ZZEF1: variants seen among roughly 807,000 people sequenced by gnomAD.
The protein encoded by ZZEF1 is zinc finger ZZ-type and EF-hand domain containing 1.
Under a neutral mutation model 342.8 loss-of-function variants are expected in ZZEF1, and 157 were observed. The observed-to-expected ratio is 0.46, with a 90% CI of 0.40 to 0.52. The LOEUF is 0.52. Ranked by LOEUF, ZZEF1 falls within the 20% of genes least tolerant of loss-of-function variation. The pLI is 0.00. For synonymous variants in ZZEF1, 1,505 were observed against 1,429.1 expected, an observed-to-expected ratio of 1.05 and a Z score of -1.20; for missense variants, 3,480 against 3,725.6, an observed-to-expected ratio of 0.93 and a Z score of 1.72.
At chr17:4,007,173 A>T (rs146251834) in intron 54 of ZZEF1, among the ~76,000 whole-genome samples, 101 of 152,338 alleles carry the variant, frequency 6.6e-4, no homozygotes, top group Non-Finnish European at 1.2e-3. Flanking sequence ...GTAGGTAGGA[A>T]TCATCACTGC....
In ZZEF1 at chr17:4,014,275, A is replaced by G; in HGVS notation, c.8314+72T>C. The G allele has an allele frequency of 6.2e-7, 1 of 1,610,286 alleles. No individual in the cohort carries two copies. Among genetic ancestry groups the G allele is most frequent in the African/African-American group, 1.3e-5 (1 of 74,942 alleles). ...TGTTGGGTTTCAACATTCTCCAGTA[A>G]GTTCCCTTCTCAATATTAAGTTTAA... On this transcript the variant is annotated intron_variant, in intron 50 of 54. Coordinates refer to ENST00000381638, the MANE Select transcript of ZZEF1 (RefSeq NM_015113.4). This position sits in a 1 kb window ranked among gnomAD's most constrained non-coding sequence, Gnocchi z 4.4.
rs1438329677 is a variant in ZZEF1 at position 4,009,631 on chromosome 17, G to A, written c.8706C>T (p.Leu2902=). The stretch of plus-strand genomic sequence containing the variant: ...GGGCACGGTTCTCGGTGACGAAGAA[G>A]AGCTCAGTGAGGGCACGATGCAGGG... ...LLPLHRALTE[L]FFVTENRAQE... Residue 2902 remains leucine, a synonymous_variant, in exon 53 of 55, where the codon CTC becomes CTT. Transcript: ENST00000381638. 1 of 1,613,856 alleles carries A rather than the reference G, an allele frequency of 6.2e-7. No homozygotes were observed. Among genetic ancestry groups the A allele is most frequent in the Non-Finnish European group, 8.5e-7 (1 of 1,180,006 alleles).
Position 4,014,971 on chromosome 17 carries a change from C to A in ZZEF1, c.8146-456G>T, listed in dbSNP as rs748540979. 2.6e-5 allele frequency among the ~76,000 whole-genome samples: 4 copies of A among 152,174 alleles called. No individual in the cohort carries two copies. Among genetic ancestry groups the A allele is most frequent in the Non-Finnish European group, 5.9e-5 (4 of 68,034 alleles). On this transcript the variant is annotated intron_variant, in intron 49 of 54. Transcript: ENST00000381638. The surrounding 1 kb of genome is among the most constrained non-coding windows in gnomAD (Gnocchi z 4.4). ...AAGCAGGAACAGGGACAAGACCTGA[C>A]TCCAGAGAGACTGGCAGGGGCAGAC...
intron 39 of ZZEF1, among the ~76,000 whole-genome samples, chr17:4,037,811 G>T (rs775029388): frequency 6.6e-5 from 10 of 152,090 alleles, no homozygotes; most frequent in Non-Finnish European, 2.9e-5. Context: ...TCGAACTCCT[G>T]GGTTCAAGCA....
Position 4,071,845 on chromosome 17 carries a change from A to G in ZZEF1, c.3834+763T>C, listed in dbSNP as rs189565057. On this transcript the variant is annotated intron_variant, in intron 25 of 54. Coordinates refer to ENST00000381638, the MANE Select transcript of ZZEF1 (RefSeq NM_015113.4). ...GAGAAAACCAGACCTGGAGACTGAT[A>G]TTAGGAATTAGGGCCACAATGTTTG... is the stretch of plus-strand genomic sequence containing the variant. Among the ~76,000 whole-genome samples the G allele has an allele frequency of 2.0e-5, 3 of 152,246 alleles. No individual in the cohort carries two copies. The East Asian group carries it at 5.8e-4, about 29-fold the overall frequency.
At chr17:4,080,370 T>C (rs1281217892) in intron 18 of ZZEF1, among the ~76,000 whole-genome samples, 1 of 152,052 alleles carries the variant, frequency 6.6e-6, no homozygotes, top group Non-Finnish European at 1.5e-5. Context: ...AGACAGAGTT[T>C]CGCTCGTTGC....
At chr17:4,049,045 T>C (rs529584653) in intron 37 of ZZEF1, among the ~76,000 whole-genome samples, 4 of 152,212 alleles carry the variant, frequency 2.6e-5, no homozygotes, top group Non-Finnish European at 5.9e-5. Flanking sequence ...TCTTGTTTAA[T>C]TCTTATAAAA....
Position 4,013,977 on chromosome 17 carries a change from G to A in ZZEF1, c.8413+113C>T. 2.9e-6 allele frequency: 3 copies of A among 1,018,972 alleles called. No homozygotes were observed. The South Asian group carries it at 4.5e-5, about 15-fold the overall frequency. 63.1% of individuals were successfully genotyped at this position (1,018,972 alleles called of 1,614,324 possible). ...CTTGTGAGACAAATTTGGAAAGTGT[G>A]AGAGACAAGTACCTGCTTTGATTTT... On this transcript the variant is annotated intron_variant, in intron 51 of 54. Transcript: ENST00000381638.
At chr17:4,080,034 T>C (rs2057692669) in intron 18 of ZZEF1, among the ~76,000 whole-genome samples, 1 of 152,186 alleles carries the variant, frequency 6.6e-6, no homozygotes, top group East Asian at 1.9e-4. Context: ...CTTGGTTTCC[T>C]AGTACAGGGG....
rs3892926 is a variant in ZZEF1, at chr17:4,023,913, C to T, written c.7092+1006G>A. On this transcript the variant is annotated intron_variant, in intron 43 of 54. Coordinates refer to ENST00000381638, the MANE Select transcript of ZZEF1 (RefSeq NM_015113.4). ...CAGCAGATGAATGGTCTCAATTCTA[C>T]AACTACAAACTCCCAGGGCTGGATC... is the stretch of plus-strand genomic sequence containing the variant. Among the ~76,000 whole-genome samples, 347 of 152,258 alleles carry T rather than the reference C, an allele frequency of 2.3e-3. 2 individuals carry two copies. Among genetic ancestry groups the T allele is most frequent in the African/African-American group, 7.9e-3 (329 of 41,548 alleles).
intron 9 of ZZEF1, among the ~76,000 whole-genome samples, chr17:4,097,476 GGAAAAAAA>G (rs1235295625): frequency 1.1e-4 from 13 of 113,962 alleles, no homozygotes; most frequent in Non-Finnish European, 2.1e-4. Flanking sequence ...CTTTGAAATG[GGAAAAAAA>G]AAAAAAAAAA....
intron 11 of ZZEF1, among the ~76,000 whole-genome samples, chr17:4,093,401 T>C (rs963291190): frequency 2.6e-5 from 4 of 152,230 alleles, no homozygotes; most frequent in African/African-American, 9.7e-5. Flanking sequence ...GGATTTCAAC[T>C]GAACAAATTC....
intron 1 of ZZEF1, among the ~76,000 whole-genome samples, chr17:4,133,216 CGTT>C (rs2058697626): frequency 6.6e-6 from 1 of 152,162 alleles, no homozygotes; most frequent in Admixed American, 6.5e-5. Flanking sequence ...TTTGGGCACT[CGTT>C]AAATGCCAGG....
chr17:4,093,132 A>T (rs1373063711), intron 11 of ZZEF1, among the ~76,000 whole-genome samples: 1 of 142,818 alleles, frequency 7.0e-6, no homozygotes, highest in Non-Finnish European at 1.5e-5. Flanking sequence ...TATTTAGGTT[A>T]AAAAAAAATC....
chr17:4,009,780 GGTCA>G (rs950846975), intron 52 of ZZEF1, 23 bp from the exon 53 acceptor site: 6 of 1,610,614 alleles, frequency 3.7e-6, no homozygotes, highest in Non-Finnish European at 5.1e-6. Context: ...CCCCGGAGGT[GGTCA>G]GTTTACTGAG....
chr17:4,006,773 G>T lies in ZZEF1; in HGVS notation c.*117C>A. 9.3e-7 allele frequency: 1 copy of T among 1,073,004 alleles called. No homozygotes were observed. The highest frequency in any genetic ancestry group is 1.3e-5 in the South Asian group (1 of 74,126). The allele number at this position is 1,073,004 out of a possible 1,614,324, so 66.5% of individuals were successfully genotyped here. A position where few individuals can be genotyped will look rare whatever the true frequency, so the allele number is the denominator to read the frequency against. On this transcript the variant is annotated 3_prime_UTR_variant, in exon 55 of 55. Coordinates refer to ENST00000381638, the MANE Select transcript of ZZEF1 (RefSeq NM_015113.4). ...GGCTGCTTGGCATCCTAACTGGAGT[G>T]GTCAGCTCAAGGAGAGCTGGGCACT... is the stretch of plus-strand genomic sequence containing the variant.
chr17:4,041,658 C>T (rs2056806389), intron 39 of ZZEF1, among the ~76,000 whole-genome samples: 1 of 152,090 alleles, frequency 6.6e-6, no homozygotes, highest in Non-Finnish European at 1.5e-5. Flanking sequence ...CTAACAGGAT[C>T]TCTTCTTTAA....
At chr17:4,027,335 C>G (rs1258885825) in intron 42 of ZZEF1, among the ~76,000 whole-genome samples, 1 of 129,046 alleles carries the variant, frequency 7.7e-6, no homozygotes, top group Non-Finnish European at 1.6e-5. Context: ...GCTCTTGTTC[C>G]CCAGGCTAGA....
intron 14 of ZZEF1, 34 bp from the exon 15 acceptor site, chr17:4,086,689 G>A (rs199592007): frequency 6.2e-7 from 1 of 1,610,540 alleles, no homozygotes. Flanking sequence ...GAGAGCAAAA[G>A]GGCAAGTTGC....
Sources: gnomAD v4.1 joint callset for allele counts (sites outside exome capture counted in the v4.1 genomes callset) on GRCh38, gnomAD v4.1.1 for gene constraint, Gnocchi (gnomAD v3.1) non-coding constraint, MANE v1.5 for transcripts, NCBI Gene and HGNC (gene_info 2026-07-23, HGNC 2026-07-21) for gene names.